WNT5A: variants seen among roughly 807,000 people sequenced by gnomAD.
The protein encoded by WNT5A is protein Wnt-5a.
WNT5A carries 9 observed loss-of-function variants against 42.1 expected under a neutral mutation model. The observed-to-expected ratio is 0.21, with a 90% CI of 0.13 to 0.37. The LOEUF is 0.37. WNT5A is among the 10% of genes least tolerant of loss of function. The pLI is 1.00. For missense variants in WNT5A, 426 were observed against 534.0 expected (o/e 0.80, Z 1.99); for synonymous variants, 210 against 210.0 (o/e 1.00, Z 0.00).
At chr3:55,473,834 C>A (rs1345737242) in intron 4 of WNT5A, among the ~76,000 whole-genome samples, 2 of 152,204 alleles carry the variant, frequency 1.3e-5, no homozygotes, top group African/African-American at 4.8e-5. Flanking sequence ...CTGTCCCAAA[C>A]TGAAAGCCAA....
chr3:55,484,321 C>T (rs2106984324), intron 1 of WNT5A, among the ~76,000 whole-genome samples: 1 of 152,122 alleles, frequency 6.6e-6, no homozygotes, highest in East Asian at 1.9e-4. Flanking sequence ...ATGCGGGGAG[C>T]GGCGCGAGGA....
rs892630107 is a variant in WNT5A, at chr3:55,469,932, A to G, written c.*160T>C. 5.8e-6 allele frequency: 4 copies of G among 684,068 alleles called. No individual in the cohort carries two copies. In the African/African-American group the frequency reaches 7.2e-5, roughly 12 times the overall value. 42.4% of individuals were successfully genotyped at this position (684,068 alleles called of 1,614,324 possible). The stretch of plus-strand genomic sequence containing the variant: ...AAATAATAATTATAATATTAATAAT[A>G]AACCACAGAGTTCTTAGATGGTAAC... On this transcript the variant is annotated 3_prime_UTR_variant, in exon 5 of 5. Transcript: ENST00000264634.
chr3:55,497,772 G>C, the WNT5A span, among the ~76,000 whole-genome samples: 14 of 152,250 alleles, frequency 9.2e-5, no homozygotes, highest in African/African-American at 3.4e-4. Flanking sequence ...TTCCTGCAAA[G>C]GGCAAAAGCA....
At chr3:55,480,395 A>C (rs2051435518) in intron 2 of WNT5A, among the ~76,000 whole-genome samples, 1 of 152,232 alleles carries the variant, frequency 6.6e-6, no homozygotes, top group Non-Finnish European at 1.5e-5. Flanking sequence ...AATAATCTCG[A>C]GTAACAGAAG....
intron 4 of WNT5A, among the ~76,000 whole-genome samples, chr3:55,473,450 T>C (rs184693078): frequency 2.0e-5 from 3 of 152,268 alleles, no homozygotes; most frequent in Non-Finnish European, 2.9e-5. Flanking sequence ...TAAAGTGCCA[T>C]GTGTTTAACC....
chr3:55,488,233 G>T, upstream of WNT5A: 1 of 152,404 alleles, frequency 6.6e-6, no homozygotes, highest in South Asian at 2.0e-4. Flanking sequence ...GGCTCTGGGC[G>T]GCGGAGGCGG....
At chr3:55,474,247 G>T (rs928614422) in intron 4 of WNT5A, 90 bp downstream of exon 4, 6 of 1,529,400 alleles carry the variant, frequency 3.9e-6, no homozygotes, top group Admixed American at 1.8e-5. Context: ...TGGCAGAGGA[G>T]AGGACGGAGC....
upstream of WNT5A, among the ~76,000 whole-genome samples, chr3:55,494,473 C>G (rs1490003281): frequency 6.6e-6 from 1 of 152,212 alleles, no homozygotes; most frequent in African/African-American, 2.4e-5. Flanking sequence ...AGCTAATGCT[C>G]AAGTTTGGTC....
upstream of WNT5A, among the ~76,000 whole-genome samples, chr3:55,495,287 T>G (rs781503318): frequency 3.3e-5 from 5 of 152,202 alleles, no homozygotes; most frequent in African/African-American, 1.2e-4. Flanking sequence ...TCTTTTGAAC[T>G]TATTTCTCCT....
rs771297701 is a variant in WNT5A, at chr3:55,479,598, C to T, written c.141-34G>A. The T allele has an allele frequency of 2.4e-5, 37 of 1,534,156 alleles. No homozygotes were observed. The Middle Eastern group carries it at 7.0e-4, about 29-fold the overall frequency. ...GGGGGAGATGTGCATTCAAGATTTA[C>T]GTGAAATCTCGAGGTGGGCCCCCTG... On this transcript the variant is annotated intron_variant, in intron 2 of 4. Transcript: ENST00000264634.
intron 1 of WNT5A, among the ~76,000 whole-genome samples, chr3:55,481,859 T>TC (rs2051471890): frequency 6.6e-6 from 1 of 152,036 alleles, no homozygotes; most frequent in Non-Finnish European, 1.5e-5. Flanking sequence ...TTCCCTGCCC[T>TC]CCCCACAGCT....
At chr3:55,490,204 C>G (rs1202796099), upstream of WNT5A, 1 of 152,258 alleles carries the variant, frequency 6.6e-6, no homozygotes, top group Non-Finnish European at 1.5e-5. Context: ...GGCATTTCCT[C>G]CACACATACA....
At chr3:55,496,464 A>G in the WNT5A span, among the ~76,000 whole-genome samples, 2 of 152,260 alleles carry the variant, frequency 1.3e-5, no homozygotes, top group African/African-American at 2.4e-5. Context: ...GAAATACCAC[A>G]GAATTCAGGA....
chr3:55,505,128 T>C, the WNT5A span: 1 of 152,092 alleles, frequency 6.6e-6, no homozygotes, highest in African/African-American at 2.4e-5. Context: ...CAAGACTGGG[T>C]AATTTATAAA....
chr3:55,484,181 T>C (rs1376703110), intron 1 of WNT5A, among the ~76,000 whole-genome samples: 2 of 151,982 alleles, frequency 1.3e-5, no homozygotes, highest in East Asian at 1.9e-4. Context: ...AAAAAGAATC[T>C]CCACTCTTGG....
At chr3:55,481,469 G>C (rs2051462176) in intron 1 of WNT5A, 1 of 851,640 alleles carries the variant, frequency 1.2e-6, no homozygotes, top group Non-Finnish European at 1.4e-6. Flanking sequence ...GGCAGGACGC[G>C]GGAGGGAAGG....
At chr3:55,498,784 C>A in the WNT5A span, among the ~76,000 whole-genome samples, 2 of 151,636 alleles carry the variant, frequency 1.3e-5, no homozygotes, top group African/African-American at 4.8e-5. Flanking sequence ...TTTTTTTTTC[C>A]CCAATAGAGA....
intron 1 of WNT5A, among the ~76,000 whole-genome samples, chr3:55,484,911 G>A (rs1322015965): frequency 6.6e-6 from 1 of 152,304 alleles, no homozygotes; most frequent in African/African-American, 2.4e-5. Context: ...CGAAAAGCGG[G>A]AAAGCAACAC....
chr3:55,497,534 C>G, the WNT5A span: 2 of 152,272 alleles, frequency 1.3e-5, no homozygotes, highest in Admixed American at 6.5e-5. Flanking sequence ...ACAATCCCCA[C>G]TACCCCACAG....
Sources: gnomAD v4.1 joint callset for allele counts (sites outside exome capture counted in the v4.1 genomes callset) on GRCh38, gnomAD v4.1.1 for gene constraint, MANE v1.5 for transcripts, NCBI Gene and HGNC (gene_info 2026-07-23, HGNC 2026-07-21) for gene names.